The following COL5A2 variants were observed in gnomAD, a reference collection of about 807,000 sequenced individuals.
COL5A2 encodes collagen alpha-2(V) chain.
A neutral mutation model predicts 208.2 loss-of-function variants in COL5A2; 23 were observed. The ratio of observed to expected loss-of-function variants is 0.11; its 90% CI spans 0.08 to 0.16. The LOEUF (loss-of-function observed/expected upper bound fraction) is 0.16, where lower values mean the gene tolerates loss of function less well. Ranked by LOEUF, COL5A2 falls within the 10% of genes least tolerant of loss-of-function variation. The pLI is 1.00. For missense variants in COL5A2, 1,590 were observed against 1,956.4 expected, an observed-to-expected ratio of 0.81 and a Z score of 3.53; for synonymous variants, 625 against 628.5, an observed-to-expected ratio of 0.99 and a Z score of 0.08.
intron 1 of COL5A2, among the ~76,000 whole-genome samples, chr2:189,153,097 A>G (rs1330495116): frequency 6.6e-6 from 1 of 152,216 alleles, no homozygotes; most frequent in Non-Finnish European, 1.5e-5. Context: ...GGTTGCCTAT[A>G]TGATTCTAAA....
chr2:189,243,847 T>C, the COL5A2 span, among the ~76,000 whole-genome samples: 2 of 152,122 alleles, frequency 1.3e-5, no homozygotes, highest in Non-Finnish European at 2.9e-5. Flanking sequence ...GCACAGGCAT[T>C]GGATAAATAC....
At chr2:189,240,644 A>T in the COL5A2 span, among the ~76,000 whole-genome samples, 1 of 152,138 alleles carries the variant, frequency 6.6e-6, no homozygotes, top group Non-Finnish European at 1.5e-5. Context: ...GAGTTTCTCT[A>T]CCCAATCAAT....
intron 2 of COL5A2, among the ~76,000 whole-genome samples, chr2:189,107,984 A>T (rs1341065265): frequency 6.6e-6 from 1 of 151,694 alleles, no homozygotes; most frequent in African/African-American, 2.4e-5. Flanking sequence ...TTGTAGTGTT[A>T]AATGTGCCAC....
chr2:189,298,941 C>T, the COL5A2 span, among the ~76,000 whole-genome samples: 1 of 152,186 alleles, frequency 6.6e-6, no homozygotes, highest in Non-Finnish European at 1.5e-5. Context: ...ATTATGGGTA[C>T]TTAATACCTC....
rs545574407 is a variant in COL5A2 at position 189,080,991 on chromosome 2, C to G, written c.905G>C (p.Arg302Pro). 28 of 1,612,946 alleles carry G rather than the reference C, an allele frequency of 1.7e-5. No individual in the cohort carries two copies. The Admixed American group carries it at 2.5e-4, about 14-fold the overall frequency. Residue 302 changes from arginine to proline, a missense_variant and splice_region_variant, in exon 13 of 54, where the codon CGA becomes CCA. By Grantham distance (103) the Arg-to-Pro change is moderately radical. Coordinates refer to ENST00000374866, the MANE Select transcript of COL5A2 (RefSeq NM_000393.5). The part of the protein sequence containing the change: ...APGLPGLKGH[R>P]GHKGLEGPKG... ...AGGATTACAATAGATTGAACTTACTCGGTGACCCTTCAGACCTGGAAGACC... is the reference window on the plus strand; with the variant it reads ...AGGATTACAATAGATTGAACTTACTGGGTGACCCTTCAGACCTGGAAGACC...
At chr2:189,070,199 T>G (rs2105608948) in intron 18 of COL5A2, among the ~76,000 whole-genome samples, 1 of 152,336 alleles carries the variant, frequency 6.6e-6, no homozygotes, top group South Asian at 2.1e-4. Context: ...AAATTCAAAC[T>G]TAACTTGGTT....
chr2:189,258,709 A>T, the COL5A2 span, among the ~76,000 whole-genome samples: 1 of 152,042 alleles, frequency 6.6e-6, no homozygotes, highest in African/African-American at 2.4e-5. Flanking sequence ...CATATATGGG[A>T]TTTAATTCCT....
At chr2:189,151,259 A>C (rs918747534) in intron 1 of COL5A2, among the ~76,000 whole-genome samples, 2 of 152,174 alleles carry the variant, frequency 1.3e-5, no homozygotes, top group Non-Finnish European at 2.9e-5. Flanking sequence ...TCTTACCTGG[A>C]TATACATCCA....
chr2:189,277,279 C>G, the COL5A2 span, among the ~76,000 whole-genome samples: 18 of 152,040 alleles, frequency 1.2e-4, no homozygotes. Flanking sequence ...TATCTAAGGA[C>G]TATATACAAA....
At chr2:189,069,167 T>C (rs1458454524) in intron 18 of COL5A2, among the ~76,000 whole-genome samples, 1 of 152,162 alleles carries the variant, frequency 6.6e-6, no homozygotes, top group Non-Finnish European at 1.5e-5. Context: ...CCCTCTCCTC[T>C]GAACCTCCAC....
chr2:189,235,781 G>C, the COL5A2 span, among the ~76,000 whole-genome samples: 90 of 151,658 alleles, frequency 5.9e-4, no homozygotes, highest in African/African-American at 2.1e-3. Flanking sequence ...AGTTAACATA[G>C]CAGGCCATAC....
At chr2:189,226,533 C>T (rs573487045), upstream of COL5A2, among the ~76,000 whole-genome samples, 5 of 152,108 alleles carry the variant, frequency 3.3e-5, no homozygotes, top group African/African-American at 4.8e-5. Context: ...GTTTTGGATT[C>T]GATTCTCCCT....
At position 189,039,560 on chromosome 2, in the gene COL5A2, G is replaced by A. The variant is rs780899667; in HGVS notation, c.3637C>T (p.Pro1213Ser). ...CCAGGTGGGCCAGGCTCACCAGGAGGGCCCTAATTAAAAAGAGATTGGAAA... is the reference window on the plus strand; with the variant it reads ...CCAGGTGGGCCAGGCTCACCAGGAGAGCCCTAATTAAAAAGAGATTGGAAA... ...GSVGEAGPEG[P>S]PGEPGPPGPP... Residue 1213 changes from proline to serine, a missense_variant, in exon 51 of 54, where the codon CCT becomes TCT. Coordinates refer to ENST00000374866, the MANE Select transcript of COL5A2 (RefSeq NM_000393.5). 31 of 1,613,000 alleles carry A rather than the reference G, an allele frequency of 1.9e-5. No homozygotes were observed. Among genetic ancestry groups the A allele is most frequent in the Non-Finnish European group, 2.5e-5 (30 of 1,179,880 alleles).
the COL5A2 span, among the ~76,000 whole-genome samples, chr2:189,293,278 C>G: frequency 6.6e-6 from 1 of 151,954 alleles, no homozygotes. Context: ...AAAAAAAGAG[C>G]CTGCGTGCAC....
the COL5A2 span, among the ~76,000 whole-genome samples, chr2:189,401,975 A>C: frequency 6.6e-6 from 1 of 151,908 alleles, no homozygotes; most frequent in Non-Finnish European, 1.5e-5. Flanking sequence ...GACCTTTGTC[A>C]GATTAATAGA....
chr2:189,183,082 C>G (rs977487110), upstream of COL5A2, among the ~76,000 whole-genome samples: 1 of 152,116 alleles, frequency 6.6e-6, no homozygotes, highest in Non-Finnish European at 1.5e-5. Flanking sequence ...CCTTCCATTC[C>G]TTCTTCTTTC....
chr2:189,228,701 C>G (rs1689446774), upstream of COL5A2, among the ~76,000 whole-genome samples: 1 of 151,748 alleles, frequency 6.6e-6, no homozygotes, highest in Non-Finnish European at 1.5e-5. Flanking sequence ...AACCCAGCAC[C>G]AGAATGGCTT....
chr2:189,144,043 G>C (rs1462504499), intron 1 of COL5A2, among the ~76,000 whole-genome samples: 4 of 152,070 alleles, frequency 2.6e-5, no homozygotes, highest in Non-Finnish European at 4.4e-5. Flanking sequence ...GGAAAAAAAA[G>C]AAACAACGTA....
At position 189,039,506 on chromosome 2, in the gene COL5A2, C is replaced by G. The variant is rs202108565; in HGVS notation, c.3691G>C (p.Ala1231Pro). ...TGCCCCATGATATCCCCAAGAGCAG[C>G]TGTAAGGTGGCCAGGGGGACCCGGA... is the stretch of plus-strand genomic sequence containing the variant. ...GPPGPPGHLT[A>P]ALGDIMGHYD... The change falls in exon 51 of 54, where the codon GCT becomes CCT. Residue 1231 changes from alanine (A) to proline (P), a missense_variant. Ala to Pro is a conservative substitution (Grantham distance 27). Coordinates refer to ENST00000374866, the MANE Select transcript of COL5A2 (RefSeq NM_000393.5). The G allele has an allele frequency of 2.5e-6, 4 of 1,614,028 alleles. No homozygotes were observed. Among genetic ancestry groups the G allele is most frequent in the East Asian group, 2.2e-5 (1 of 44,864 alleles).
Sources: gnomAD v4.1 joint callset for allele counts (sites outside exome capture counted in the v4.1 genomes callset) on GRCh38, gnomAD v4.1.1 for gene constraint, MANE v1.5 for transcripts, NCBI Gene and HGNC (gene_info 2026-07-23, HGNC 2026-07-21) for gene names.